JAM3: variants seen among roughly 807,000 people sequenced by gnomAD.
The protein encoded by JAM3 is junctional adhesion molecule 3, also known as junctional adhesion molecule C.
A neutral mutation model predicts 39.4 loss-of-function variants in JAM3; 31 were observed. The observed-to-expected ratio is 0.79, with a 90% CI of 0.59 to 1.06. The LOEUF is 1.06. JAM3 is among the 50% of genes least tolerant of loss of function. JAM3 has a pLI of 0.00. For synonymous variants in JAM3, 182 were observed against 148.7 expected, an observed-to-expected ratio of 1.22 and a Z score of -1.63; for missense variants, 455 against 391.4, an observed-to-expected ratio of 1.16 and a Z score of -1.37.
At chr11:134,111,224 A>G (rs1395967468) in intron 1 of JAM3, among the ~76,000 whole-genome samples, 1 of 143,406 alleles carries the variant, frequency 7.0e-6, no homozygotes, top group African/African-American at 2.7e-5. Flanking sequence ...GCTCACTGCA[A>G]GCTTCGCCTC....
Position 134,140,743 on chromosome 11 carries a change from T to TTCAAG in JAM3, c.229_230insTCAAG (p.Tyr77PhefsTer26), listed in dbSNP as rs1942959355. The TTCAAG allele has an allele frequency of 6.2e-7, 1 of 1,613,406 alleles. No homozygotes were observed. The highest frequency in any genetic ancestry group is 2.2e-5 in the East Asian group (1 of 44,860). The stretch of plus-strand genomic sequence containing the variant: ...GAAAATTCAAGATGAACAAACCACA[T>TTCAAG]ATGTGTTTTTTGACAACAAAATTCA... On this transcript the variant is annotated frameshift_variant, in exon 3 of 9. Coordinates refer to ENST00000299106, the MANE Select transcript of JAM3 (RefSeq NM_032801.5). LOFTEE classifies it high-confidence loss of function.
intron 1 of JAM3, among the ~76,000 whole-genome samples, chr11:134,112,185 C>G (rs1942325775): frequency 6.6e-6 from 1 of 152,106 alleles, no homozygotes; most frequent in Non-Finnish European, 1.5e-5. Context: ...CTCCCGGGTT[C>G]AAGGAATTCT....
intron 1 of JAM3, among the ~76,000 whole-genome samples, chr11:134,122,786 C>T (rs1049090320): frequency 1.2e-4 from 18 of 152,222 alleles, no homozygotes; most frequent in South Asian, 4.1e-4. Flanking sequence ...TCTGAACATT[C>T]ACAGTACAAG....
At chr11:134,113,364 C>G (rs1202598320) in intron 1 of JAM3, among the ~76,000 whole-genome samples, 1 of 152,042 alleles carries the variant, frequency 6.6e-6, no homozygotes, top group Non-Finnish European at 1.5e-5. Flanking sequence ...CACGACAGGC[C>G]CTGGTGTGTG....
intron 7 of JAM3, 27 bp downstream of exon 7, chr11:134,148,703 G>A (rs1943125999): frequency 5.6e-6 from 9 of 1,614,040 alleles, no homozygotes; most frequent in Admixed American, 1.7e-5. Flanking sequence ...TGAAAAAAGG[G>A]AAGTTCAAGC....
chr11:134,107,396 G>T (rs1165233231), intron 1 of JAM3, among the ~76,000 whole-genome samples: 1 of 152,094 alleles, frequency 6.6e-6, no homozygotes, highest in Non-Finnish European at 1.5e-5. Flanking sequence ...ACGAGTTAAT[G>T]GGTGCAGCAC....
intron 1 of JAM3, among the ~76,000 whole-genome samples, chr11:134,127,202 T>A (rs1942665723): frequency 6.6e-6 from 1 of 152,224 alleles, no homozygotes; most frequent in South Asian, 2.1e-4. Context: ...ATCACTTGGC[T>A]GTGGACTATA....
intron 1 of JAM3, among the ~76,000 whole-genome samples, chr11:134,131,707 CA>C (rs1235476297): frequency 2.0e-5 from 3 of 152,026 alleles, no homozygotes; most frequent in Non-Finnish European, 2.9e-5. Flanking sequence ...GGCAATCAGG[CA>C]AACAGTCCCT....
chr11:134,094,348 T>C (rs376539350), intron 1 of JAM3, among the ~76,000 whole-genome samples: 3,020 of 87,566 alleles, frequency 0.034, no homozygotes, highest in African/African-American at 0.065. Flanking sequence ...TCATGTTCCA[T>C]CTTACATGTC....
Position 134,149,195 on chromosome 11 carries a change from G to A in JAM3, c.*14G>A. On this transcript the variant is annotated 3_prime_UTR_variant, in exon 9 of 9. Coordinates refer to ENST00000299106, the MANE Select transcript of JAM3 (RefSeq NM_032801.5). Reference sequence around the variant, plus strand: ...TTTGTGATCTGAGACCCGCGGTGTGGCTGAGAGCGCACAGAGCGCACGTGC... The same window carrying A: ...TTTGTGATCTGAGACCCGCGGTGTGACTGAGAGCGCACAGAGCGCACGTGC... 3 of 1,613,990 alleles carry A rather than the reference G, an allele frequency of 1.9e-6. No individual in the cohort carries two copies. The highest frequency in any genetic ancestry group is 2.2e-5 in the South Asian group (2 of 91,072).
intron 1 of JAM3, chr11:134,124,224 T>G (rs1565497250): frequency 7.4e-7 from 1 of 1,358,356 alleles, no homozygotes; most frequent in Non-Finnish European, 1.1e-6. Context: ...TCCATACTTC[T>G]TAAGTTCCTC....
intron 1 of JAM3, among the ~76,000 whole-genome samples, chr11:134,118,435 C>T (rs960492087): frequency 7.9e-5 from 12 of 152,114 alleles, no homozygotes; most frequent in African/African-American, 2.7e-4. Flanking sequence ...TGTACAGTTC[C>T]ATCTCCTTTG....
chr11:134,130,066 C>CA (rs1291411463), intron 1 of JAM3, among the ~76,000 whole-genome samples: 3 of 152,020 alleles, frequency 2.0e-5, no homozygotes, highest in African/African-American at 7.3e-5. Flanking sequence ...TGTCATGTAA[C>CA]AGAGTTTTGA....
chr11:134,138,251 G>C (rs1174284290), intron 1 of JAM3, among the ~76,000 whole-genome samples: 2 of 101,086 alleles, frequency 2.0e-5, no homozygotes, highest in Non-Finnish European at 4.1e-5. Context: ...GTGGCGTCTC[G>C]TCGAAGTCGT....
At chr11:134,122,350 A>C (rs1284696871) in intron 1 of JAM3, among the ~76,000 whole-genome samples, 22 of 152,210 alleles carry the variant, frequency 1.4e-4, no homozygotes, top group Non-Finnish European at 1.3e-4. Flanking sequence ...TGAGAATGTA[A>C]TATTTAGAGG....
At chr11:134,132,088 T>C (rs1337752632) in intron 1 of JAM3, among the ~76,000 whole-genome samples, 1 of 152,064 alleles carries the variant, frequency 6.6e-6, no homozygotes, top group Non-Finnish European at 1.5e-5. Flanking sequence ...AATCCAAAAA[T>C]CTCACTAGAC....
chr11:134,138,123 C>A (rs7130330), intron 1 of JAM3, among the ~76,000 whole-genome samples: 16,634 of 73,242 alleles, frequency 0.23, 2,590 homozygotes, highest in African/African-American at 0.4. Flanking sequence ...CATGGTGCTC[C>A]TACTGAGAGA....
rs1369025323 is a variant in JAM3 at position 134,149,948 on chromosome 11, G to T, written c.*767G>T. ...TTACATCTAAATTTTTGCTAAGGAT[G>T]TATTTTGATTATTGAAAAGAAAATT... On this transcript the variant is annotated 3_prime_UTR_variant, in exon 9 of 9. Coordinates refer to ENST00000299106, the MANE Select transcript of JAM3 (RefSeq NM_032801.5). 1 of 170,536 alleles carries T rather than the reference G, an allele frequency of 5.9e-6. No individual in the cohort carries two copies. The highest frequency in any genetic ancestry group is 1.3e-5 in the Non-Finnish European group (1 of 79,108). The allele number at this position is 170,536 out of a possible 1,614,324, so 10.6% of individuals were successfully genotyped here.
chr11:134,148,724 A>G (rs375062995), intron 7 of JAM3, 40 bp from the exon 8 acceptor site: 43 of 1,613,994 alleles, frequency 2.7e-5, no homozygotes, highest in African/African-American at 5.3e-5. Flanking sequence ...TGGCAATAAT[A>G]TAACAACCCT....
Sources: gnomAD v4.1 joint callset for allele counts (sites outside exome capture counted in the v4.1 genomes callset) on GRCh38, gnomAD v4.1.1 for gene constraint, MANE v1.5 for transcripts, NCBI Gene and HGNC (gene_info 2026-07-23, HGNC 2026-07-21) for gene names.